FCHO2: variants seen among roughly 807,000 people sequenced by gnomAD.
FCHO2 encodes the protein FCH and mu domain containing endocytic adaptor 2, also known as F-BAR domain only protein 2.
FCHO2 carries 43 observed loss-of-function variants against 114.1 expected under a neutral mutation model. The observed-to-expected ratio is 0.38, with a 90% CI of 0.30 to 0.49. The LOEUF (loss-of-function observed/expected upper bound fraction) is 0.49, where lower values mean the gene tolerates loss of function less well. Among genes scored for constraint, FCHO2 ranks in the 20% least tolerant of loss-of-function variants. FCHO2 has a pLI of 0.97. For synonymous variants in FCHO2, 293 were observed against 315.2 expected, an observed-to-expected ratio of 0.93 and a Z score of 0.75; for missense variants, 807 against 950.4, an observed-to-expected ratio of 0.85 and a Z score of 1.98.
chr5:73,025,112 T>A (rs1348085855), intron 8 of FCHO2, among the ~76,000 whole-genome samples: 2 of 152,130 alleles, frequency 1.3e-5, no homozygotes, highest in Non-Finnish European at 2.9e-5. Context: ...TAGAACAAAC[T>A]AACTAGTGTG....
intron 6 of FCHO2, among the ~76,000 whole-genome samples, chr5:73,007,953 A>G (rs1016550945): frequency 6.6e-6 from 1 of 152,172 alleles, no homozygotes; most frequent in African/African-American, 2.4e-5. Flanking sequence ...ATAGGGCAAG[A>G]GCGTTACAGG....
chr5:73,060,400 A>G (rs897084361), intron 17 of FCHO2, among the ~76,000 whole-genome samples: 6 of 152,122 alleles, frequency 3.9e-5, no homozygotes, highest in Non-Finnish European at 8.8e-5. Context: ...TGAACAGAAT[A>G]TAATTGATCA....
intron 8 of FCHO2, among the ~76,000 whole-genome samples, chr5:73,033,263 C>T (rs1274002680): frequency 6.6e-6 from 1 of 151,988 alleles, no homozygotes; most frequent in Non-Finnish European, 1.5e-5. Context: ...AAGGAACATA[C>T]TAATAATTGA....
In FCHO2 at chr5:73,087,751, C is replaced by A; in HGVS notation, c.2408C>A (p.Thr803Asn). ...TCCTTAATAAAGAAGCGGTTTGCTA[C>A]TGGTAAGTTAGGAGATTTCAAACTT... ...RLSLIKKRFA[T>N]GRYLADC Residue 803 changes from threonine (T) to asparagine (N), a missense_variant and splice_region_variant, in exon 25 of 26, where the codon ACT becomes AAT. Physicochemically the swap from Thr to Asn is moderately conservative, Grantham distance 65. Coordinates refer to ENST00000430046, the MANE Select transcript of FCHO2 (RefSeq NM_138782.3). 1 of 1,569,874 alleles carries A rather than the reference C, an allele frequency of 6.4e-7. No homozygotes were observed. The highest frequency in any genetic ancestry group is 8.6e-7 in the Non-Finnish European group (1 of 1,161,916).
intron 25 of FCHO2, 45 bp downstream of exon 25, chr5:73,087,798 T>C: frequency 2.0e-6 from 3 of 1,526,974 alleles, no homozygotes; most frequent in South Asian, 1.3e-5. Flanking sequence ...TGGGAAACAT[T>C]TGTATTCTAA....
intron 10 of FCHO2, chr5:73,037,856 A>G (rs958041071): frequency 5.9e-6 from 2 of 339,778 alleles, no homozygotes; most frequent in Non-Finnish European, 1.2e-5. Context: ...TCCCAGGTTC[A>G]AGCGATTCTC....
In FCHO2 at chr5:72,999,789, A is replaced by G. The variant is rs530426236; in HGVS notation, c.496-6656A>G. Among the ~76,000 whole-genome samples the G allele has an allele frequency of 5.1e-4, 78 of 152,306 alleles. 1 individual carries two copies. Among genetic ancestry groups the G allele is most frequent in the African/African-American group, 1.9e-3 (77 of 41,570 alleles). ...ATGCTGGCTTCATGGATTGTACTAT[A>G]AAAGTCATAGGCACTTAAAATGTTT... On this transcript the variant is annotated intron_variant, in intron 5 of 25. Coordinates refer to ENST00000430046, the MANE Select transcript of FCHO2 (RefSeq NM_138782.3).
At chr5:72,961,838 G>A (rs1325320077) in intron 1 of FCHO2, among the ~76,000 whole-genome samples, 3 of 152,134 alleles carry the variant, frequency 2.0e-5, no homozygotes, top group Non-Finnish European at 2.9e-5. Context: ...TGATCCGCCT[G>A]CCTCGGCCTC....
At chr5:72,982,100 A>G (rs1580043666) in intron 2 of FCHO2, among the ~76,000 whole-genome samples, 2 of 152,280 alleles carry the variant, frequency 1.3e-5, no homozygotes, top group East Asian at 1.9e-4. Context: ...AAAGCGTAGT[A>G]TCTGGGCTGG....
chr5:73,070,247 A>G (rs1443043398), intron 19 of FCHO2, among the ~76,000 whole-genome samples: 6 of 152,134 alleles, frequency 3.9e-5, no homozygotes, highest in Non-Finnish European at 8.8e-5. Context: ...AAATGCAACT[A>G]GTGTGTGGCC....
At chr5:73,023,397 G>A (rs765329207) in intron 8 of FCHO2, among the ~76,000 whole-genome samples, 5 of 152,010 alleles carry the variant, frequency 3.3e-5, no homozygotes, top group Non-Finnish European at 5.9e-5. Flanking sequence ...GCATAAGGGG[G>A]CCTTAAAATT....
intron 11 of FCHO2, among the ~76,000 whole-genome samples, chr5:73,050,505 G>A (rs1415125689): frequency 1.3e-5 from 2 of 151,856 alleles, no homozygotes; most frequent in East Asian, 3.9e-4. Context: ...TTTTAGTAGA[G>A]ATGGAGTTTC....
intron 17 of FCHO2, among the ~76,000 whole-genome samples, chr5:73,059,849 A>C (rs1327115839): frequency 1.3e-5 from 2 of 151,990 alleles, no homozygotes; most frequent in Non-Finnish European, 2.9e-5. Context: ...GTACAGGAAA[A>C]TCTGATGTTG....
chr5:72,992,116 A>AAAAACTAG (rs1753843421), intron 5 of FCHO2, among the ~76,000 whole-genome samples: 1 of 152,230 alleles, frequency 6.6e-6, no homozygotes, highest in Non-Finnish European at 1.5e-5. Flanking sequence ...TACATGGGCA[A>AAAAACTAG]AAAACTAGAA....
At chr5:73,045,910 G>T (rs1247515886) in intron 11 of FCHO2, among the ~76,000 whole-genome samples, 1 of 151,992 alleles carries the variant, frequency 6.6e-6, no homozygotes, top group African/African-American at 2.4e-5. Context: ...GTTTCATTTT[G>T]CTTTTTTCTT....
chr5:73,011,023 G>A (rs1754981626), intron 6 of FCHO2, among the ~76,000 whole-genome samples: 1 of 151,884 alleles, frequency 6.6e-6, no homozygotes, highest in South Asian at 2.1e-4. Flanking sequence ...ACTGAATACT[G>A]TAGGCAGTTA....
chr5:72,977,673 T>A (rs975569617), intron 2 of FCHO2, among the ~76,000 whole-genome samples: 7 of 152,232 alleles, frequency 4.6e-5, no homozygotes, highest in Admixed American at 4.6e-4. Flanking sequence ...TTGTGGTGTT[T>A]TAGTCATGAA....
At chr5:73,067,670 T>C (rs937419443) in intron 18 of FCHO2, among the ~76,000 whole-genome samples, 5 of 152,028 alleles carry the variant, frequency 3.3e-5, no homozygotes, top group African/African-American at 1.2e-4. Context: ...ATCTTTCTTG[T>C]TCACAGCTTT....
At position 73,089,936 on chromosome 5, in the gene FCHO2, A is replaced by C. The variant is rs1047308578; in HGVS notation, c.*1846A>C. On this transcript the variant is annotated 3_prime_UTR_variant, in exon 26 of 26. Coordinates refer to ENST00000430046, the MANE Select transcript of FCHO2 (RefSeq NM_138782.3). ...AATAGTGAGCTAAATTAGAATTTCT[A>C]ACTCTTATATTGTGCTCTTTTAAAT... 1.3e-5 allele frequency: 2 copies of C among 152,580 alleles called. No homozygotes were observed. Among genetic ancestry groups the C allele is most frequent in the Non-Finnish European group, 2.9e-5 (2 of 67,962 alleles). 9.5% of individuals were successfully genotyped at this position (152,580 alleles called of 1,614,324 possible).
Sources: gnomAD v4.1 joint callset for allele counts (sites outside exome capture counted in the v4.1 genomes callset) on GRCh38, gnomAD v4.1.1 for gene constraint, MANE v1.5 for transcripts, NCBI Gene and HGNC (gene_info 2026-07-23, HGNC 2026-07-21) for gene names.